CNTN4: variants seen among roughly 807,000 people sequenced by gnomAD.
The protein encoded by CNTN4 is contactin 4, also known as contactin-4.
CNTN4 carries 77 observed loss-of-function variants against 122.5 expected under a neutral mutation model. The ratio of observed to expected loss-of-function variants is 0.63; its 90% CI spans 0.52 to 0.76. The LOEUF is 0.76. Among genes scored for constraint, CNTN4 ranks in the 30% least tolerant of loss-of-function variants. CNTN4 has a pLI of 0.00. For synonymous variants in CNTN4, 512 were observed against 447.0 expected (o/e 1.15, Z -1.83); for missense variants, 1,256 against 1,259.1 (o/e 1.00, Z 0.04).
At chr3:2,998,343 G>T (rs1418321139) in intron 14 of CNTN4, among the ~76,000 whole-genome samples, 4 of 152,168 alleles carry the variant, frequency 2.6e-5, no homozygotes, top group Non-Finnish European at 5.9e-5. Context: ...TAGACCACAA[G>T]CATCAGAATC....
intron 4 of CNTN4, among the ~76,000 whole-genome samples, chr3:2,712,320 C>T (rs529932310): frequency 3.3e-5 from 5 of 152,114 alleles, no homozygotes; most frequent in South Asian, 2.1e-4. Flanking sequence ...TATATAGCCA[C>T]GAAAATAAAT....
intron 4 of CNTN4, among the ~76,000 whole-genome samples, chr3:2,686,314 A>C (rs1165151651): frequency 6.6e-6 from 1 of 152,104 alleles, no homozygotes; most frequent in Non-Finnish European, 1.5e-5. Flanking sequence ...TTGGATTAAA[A>C]AGCAAAGTAA....
In CNTN4 at chr3:2,955,660, T is replaced by C. The variant is rs545600488; in HGVS notation, c.1358+29881T>C. ...GGGATTAATTTAAGCCTGGGCCCTG[T>C]GCTTCATGCCAACATTTAGTAGTGG... On this transcript the variant is annotated intron_variant, in intron 13 of 24. Coordinates refer to ENST00000418658, the MANE Select transcript of CNTN4 (RefSeq NM_175607.3). Among the ~76,000 whole-genome samples, 7 of 152,324 alleles carry C rather than the reference T, an allele frequency of 4.6e-5. No individual in the cohort carries two copies. The Middle Eastern group carries it at 0.017, about 370-fold the overall frequency.
At chr3:2,612,703 T>A (rs2081552521) in intron 4 of CNTN4, among the ~76,000 whole-genome samples, 1 of 152,184 alleles carries the variant, frequency 6.6e-6, no homozygotes. Flanking sequence ...CATATCTTAT[T>A]TCTTACTCTT....
Position 2,227,091 on chromosome 3 carries a change from T to A in CNTN4, c.-144-112087T>A, listed in dbSNP as rs140483837. 2.6e-5 allele frequency among the ~76,000 whole-genome samples: 4 copies of A among 152,314 alleles called. No homozygotes were observed. The East Asian group carries it at 7.7e-4, about 29-fold the overall frequency. On this transcript the variant is annotated intron_variant, in intron 2 of 24. Transcript: ENST00000418658. ...ATGCTGCATTCTGTTACTACCTGCGTATTTATTTATTTGCAGATATGTGCA... is the reference window on the plus strand; with the variant it reads ...ATGCTGCATTCTGTTACTACCTGCGAATTTATTTATTTGCAGATATGTGCA...
At chr3:2,978,430 G>A (rs1693631965) in intron 13 of CNTN4, among the ~76,000 whole-genome samples, 1 of 152,184 alleles carries the variant, frequency 6.6e-6, no homozygotes, top group South Asian at 2.1e-4. Context: ...AGGCATAGAC[G>A]GGAGCTAGAA....
Position 2,581,746 on chromosome 3 carries a change from A to G in CNTN4, c.55+10188A>G, listed in dbSNP as rs145271316. 7.2e-4 allele frequency among the ~76,000 whole-genome samples: 110 copies of G among 152,356 alleles called. 1 individual carries two copies. The highest frequency in any genetic ancestry group is 1.2e-3 in the Non-Finnish European group (84 of 68,042). ...TCATAATAGCCAAAAAGTGGGAACA[A>G]TCCAAATGTCTATCAATTGATAAAT... On this transcript the variant is annotated intron_variant, in intron 4 of 24. Transcript: ENST00000418658.
Position 2,981,431 on chromosome 3 carries a change from G to A in CNTN4, c.1359-6914G>A, listed in dbSNP as rs13099325. ...TGCACTCCAGCCTGGGCGACAGAGC[G>A]AGACTCCGTCTCAAAAAACAAAAAA... On this transcript the variant is annotated intron_variant, in intron 13 of 24. Transcript: ENST00000418658. Among the ~76,000 whole-genome samples, 103 of 151,578 alleles carry A rather than the reference G, an allele frequency of 6.8e-4. 1 individual carries two copies. Among genetic ancestry groups the A allele is most frequent in the Admixed American group, 4.8e-3 (74 of 15,264 alleles).
intron 3 of CNTN4, among the ~76,000 whole-genome samples, chr3:2,386,894 A>G (rs1478665490): frequency 1.3e-5 from 2 of 152,198 alleles, no homozygotes; most frequent in Non-Finnish European, 2.9e-5. Flanking sequence ...AGCTGCAACT[A>G]AGCGCATTCA....
rs60760373 is a variant in CNTN4 at position 2,124,433 on chromosome 3, A to AACACACACACAC, written c.-145+23823_-145+23834dup. ...CCTTTGTCTGCATAGATTTATTTAA[A>AACACACACACAC]ACACACACACACACACACACACACA... On this transcript the variant is annotated intron_variant, in intron 2 of 24. Coordinates refer to ENST00000418658, the MANE Select transcript of CNTN4 (RefSeq NM_175607.3). 8.6e-3 allele frequency among the ~76,000 whole-genome samples: 1,071 copies of AACACACACACAC among 123,882 alleles called. 13 individuals are homozygous for AACACACACACAC. The highest frequency in any genetic ancestry group is 0.047 in the Admixed American group (581 of 12,254). 81.3% of individuals were successfully genotyped at this position (123,882 alleles called of 152,430 possible).
chr3:2,102,643 A>G (rs1244621565), intron 2 of CNTN4, among the ~76,000 whole-genome samples: 1 of 152,178 alleles, frequency 6.6e-6, no homozygotes, highest in Non-Finnish European at 1.5e-5. Flanking sequence ...GCTTACTTGC[A>G]TCAAGCCATT....
At chr3:2,459,643 C>T (rs776474466) in intron 3 of CNTN4, among the ~76,000 whole-genome samples, 5 of 152,012 alleles carry the variant, frequency 3.3e-5, no homozygotes, top group Non-Finnish European at 7.4e-5. Context: ...AGGTGGCAAG[C>T]AGAGAAGGAG....
chr3:2,190,443 A>G (rs1422569817), intron 2 of CNTN4, among the ~76,000 whole-genome samples: 3 of 152,136 alleles, frequency 2.0e-5, no homozygotes, highest in Non-Finnish European at 4.4e-5. Context: ...AATGCTTCAC[A>G]AAGTTGAGCT....
intron 4 of CNTN4, among the ~76,000 whole-genome samples, chr3:2,601,378 A>G (rs2081038777): frequency 6.6e-6 from 1 of 152,202 alleles, no homozygotes; most frequent in Non-Finnish European, 1.5e-5. Context: ...TAATTTTTGT[A>G]TAAGGTGTAA....
At chr3:3,009,458 G>C (rs554138112) in intron 14 of CNTN4, among the ~76,000 whole-genome samples, 2 of 151,290 alleles carry the variant, frequency 1.3e-5, no homozygotes, top group South Asian at 4.2e-4. Flanking sequence ...TTTTGAGATG[G>C]AGTCTTGCTC....
intron 2 of CNTN4, among the ~76,000 whole-genome samples, chr3:2,186,046 C>T (rs1334375112): frequency 1.3e-5 from 2 of 151,972 alleles, no homozygotes; most frequent in Non-Finnish European, 2.9e-5. Flanking sequence ...TCGTCATTTA[C>T]GTTAGGTATG....
chr3:2,874,292 A>C (rs760102009), intron 8 of CNTN4, among the ~76,000 whole-genome samples: 23 of 152,228 alleles, frequency 1.5e-4, no homozygotes, highest in Non-Finnish European at 3.1e-4. Context: ...ACATGATTTC[A>C]GCCTGTGGGA....
At chr3:2,199,289 C>A (rs1023150638) in intron 2 of CNTN4, among the ~76,000 whole-genome samples, 1 of 152,092 alleles carries the variant, frequency 6.6e-6, no homozygotes, top group Non-Finnish European at 1.5e-5. Context: ...TATTATGTTC[C>A]TACCACTATT....
At chr3:2,909,516 C>T (rs997582512) in intron 12 of CNTN4, among the ~76,000 whole-genome samples, 2 of 151,656 alleles carry the variant, frequency 1.3e-5, no homozygotes, top group Non-Finnish European at 2.9e-5. Flanking sequence ...TCAATTTTTG[C>T]TGCAGATTAC....
Sources: gnomAD v4.1 joint callset for allele counts (sites outside exome capture counted in the v4.1 genomes callset) on GRCh38, gnomAD v4.1.1 for gene constraint, MANE v1.5 for transcripts, NCBI Gene and HGNC (gene_info 2026-07-23, HGNC 2026-07-21) for gene names.